Variants in CEP120 observed in about 807,000 individuals in gnomAD.
The protein encoded by CEP120 is centrosomal protein 120, also known as centrosomal protein of 120 kDa.
A neutral mutation model predicts 126.5 loss-of-function variants in CEP120; 113 were observed. The observed-to-expected ratio is 0.89, with a 90% CI of 0.77 to 1.04. CEP120 has a LOEUF of 1.04. Among genes scored for constraint, CEP120 ranks in the 50% least tolerant of loss-of-function variants. CEP120 has a pLI of 0.00. For synonymous variants in CEP120, 400 were observed against 394.3 expected (o/e 1.01, Z -0.17); for missense variants, 1,230 against 1,155.7 (o/e 1.06, Z -0.93).
chr5:123,422,162 T>G lies in CEP120; in HGVS notation c.49+788A>C, dbSNP rs533982548. ...AGGCAAAACGTGTCTTGCTTTTCCA[T>G]ACTTTAAGTGCTCCCTGCTCTTCTC... is the stretch of plus-strand genomic sequence containing the variant. On this transcript the variant is annotated intron_variant, in intron 1 of 19. Transcript: ENST00000306467. Among the ~76,000 whole-genome samples, 4 of 152,334 alleles carry G rather than the reference T, an allele frequency of 2.6e-5. No homozygotes were observed. The South Asian group carries it at 8.3e-4, about 32-fold the overall frequency.
At chr5:123,393,875 T>A (rs1399147667) in intron 5 of CEP120, among the ~76,000 whole-genome samples, 3 of 152,230 alleles carry the variant, frequency 2.0e-5, no homozygotes. Flanking sequence ...AGAGGCTCTA[T>A]GTTATGAATG....
intron 6 of CEP120, among the ~76,000 whole-genome samples, 182 bp downstream of exon 6, chr5:123,393,118 T>G (rs1335204695): frequency 2.6e-5 from 4 of 152,146 alleles, no homozygotes; most frequent in Admixed American, 2.6e-4. Context: ...CTGAGGTAAT[T>G]GTAATGCCAA....
chr5:123,381,284 G>T (rs1473541887), intron 14 of CEP120, among the ~76,000 whole-genome samples: 3 of 152,084 alleles, frequency 2.0e-5, no homozygotes, highest in African/African-American at 7.2e-5. Context: ...AACCCAAACA[G>T]ACACTAGCAA....
intron 4 of CEP120, chr5:123,402,290 C>T: frequency 6.8e-7 from 1 of 1,473,930 alleles, no homozygotes; most frequent in East Asian, 2.3e-5. Context: ...TGCTGAAGGC[C>T]CGGGGGCCAG....
Position 123,364,593 on chromosome 5 carries a change from A to G in CEP120, c.2483T>C (p.Val828Ala), listed in dbSNP as rs752458010. The G allele has an allele frequency of 3.8e-6, 6 of 1,586,934 alleles. No homozygotes were observed. The East Asian group carries it at 1.4e-4, about 36-fold the overall frequency. Residue 828 changes from valine (V) to alanine (A), a missense_variant and splice_region_variant, in exon 18 of 20, where the codon GTT (valine) becomes GCT (alanine). Physicochemically the swap from Val to Ala is moderately conservative, Grantham distance 64 (BLOSUM62 0). Coordinates refer to ENST00000306467, the MANE Select transcript of CEP120 (RefSeq NM_001375405.1). ...SEINLLTLEK[V>A]ELERKLESAT... ...AGATTCCAACTTTCTTTCAAGTTCA[A>G]CCTAACAGTGATTAAAATCATATCA...
intron 4 of CEP120, among the ~76,000 whole-genome samples, chr5:123,405,251 G>C (rs190017534): frequency 8.5e-6 from 1 of 117,056 alleles, no homozygotes; most frequent in East Asian, 2.6e-4. Context: ...AGCTTGGTGT[G>C]AACCAGCCTG....
At chr5:123,353,715 T>C (rs1409777256) in intron 18 of CEP120, among the ~76,000 whole-genome samples, 1 of 151,988 alleles carries the variant, frequency 6.6e-6, no homozygotes, top group African/African-American at 2.4e-5. Context: ...TGTATCAGTT[T>C]TGGAAGTTCT....
chr5:123,407,628 TGG>T (rs1773784097), intron 4 of CEP120, among the ~76,000 whole-genome samples: 3 of 152,322 alleles, frequency 2.0e-5, no homozygotes, highest in South Asian at 4.1e-4. Flanking sequence ...GAATCCAACT[TGG>T]AGACTTTAAC....
chr5:123,402,605 G>T (rs1040512031), intron 4 of CEP120, among the ~76,000 whole-genome samples: 1 of 152,086 alleles, frequency 6.6e-6, no homozygotes, highest in Non-Finnish European at 1.5e-5. Flanking sequence ...TAGAGAAGGG[G>T]TTTCACCATG....
intron 4 of CEP120, chr5:123,401,290 G>A: frequency 6.2e-7 from 1 of 1,608,106 alleles, no homozygotes; most frequent in Non-Finnish European, 8.5e-7. Context: ...TCGACAACTT[G>A]GCGTTAGCAT....
At chr5:123,389,652 C>G (rs537358938) in intron 8 of CEP120, among the ~76,000 whole-genome samples, 5 of 152,092 alleles carry the variant, frequency 3.3e-5, no homozygotes, top group Non-Finnish European at 1.5e-5. Context: ...AGGCATGCAC[C>G]ACCACGCCTG....
Position 123,346,256 on chromosome 5 carries a change from T to C in CEP120, c.*263A>G, listed in dbSNP as rs1353046618. 4 of 336,968 alleles carry C rather than the reference T, an allele frequency of 1.2e-5. No homozygotes were observed. Among genetic ancestry groups the C allele is most frequent in the African/African-American group, 2.1e-5 (1 of 46,684 alleles). The allele number at this position is 336,968 out of a possible 1,614,324, so 20.9% of individuals were successfully genotyped here. On this transcript the variant is annotated 3_prime_UTR_variant, in exon 20 of 20. Coordinates refer to ENST00000306467, the MANE Select transcript of CEP120 (RefSeq NM_001375405.1). The stretch of plus-strand genomic sequence containing the variant: ...AGTTAAAAGCTGTTTTGAAAGTTAG[T>C]TAGCCATCAGATTATAAACTATGAA...
intron 4 of CEP120, chr5:123,400,870 C>T: frequency 1.8e-6 from 2 of 1,123,932 alleles, no homozygotes; most frequent in Non-Finnish European, 2.7e-6. Context: ...CCCTCCCAGG[C>T]TCTGGGGCAG....
chr5:123,363,559 T>C (rs573044348), intron 18 of CEP120, among the ~76,000 whole-genome samples: 2 of 151,684 alleles, frequency 1.3e-5, no homozygotes, highest in South Asian at 2.1e-4. Flanking sequence ...CATTATTTTA[T>C]ATTTACATAT....
intron 3 of CEP120, among the ~76,000 whole-genome samples, chr5:123,413,135 G>A (rs574282183): frequency 6.6e-6 from 1 of 152,076 alleles, no homozygotes; most frequent in South Asian, 2.1e-4. Flanking sequence ...AGCTAGGCAT[G>A]GTGGTGCACG....
At chr5:123,387,029 G>T (rs539741436) in intron 9 of CEP120, among the ~76,000 whole-genome samples, 11 of 152,166 alleles carry the variant, frequency 7.2e-5, no homozygotes, top group African/African-American at 2.6e-4. Context: ...TGGTAATCTG[G>T]TAATTATGGT....
intron 1 of CEP120, among the ~76,000 whole-genome samples, chr5:123,418,727 G>A (rs935716588): frequency 1.3e-5 from 2 of 151,872 alleles, no homozygotes; most frequent in Non-Finnish European, 2.9e-5. Flanking sequence ...CTCCCAAGTA[G>A]CTGGGATTAC....
In CEP120 at chr5:123,399,252, C is replaced by T. The variant is rs1277123000; in HGVS notation, c.496G>A (p.Asp166Asn). The T allele has an allele frequency of 1.2e-6, 2 of 1,614,000 alleles. No individual in the cohort carries two copies. The highest frequency in any genetic ancestry group is 1.7e-5 in the Admixed American group (1 of 60,006). The change falls in exon 5 of 20, where the codon GAC becomes AAC. Residue 166 changes from aspartate to asparagine, a missense_variant. Coordinates refer to ENST00000306467, the MANE Select transcript of CEP120 (RefSeq NM_001375405.1). ...TCTTCATTCAGCACAGCCACAATGTCCCTGGGGTCAAGTCCAGCCAGGATG... is the reference window on the plus strand; with the variant it reads ...TCTTCATTCAGCACAGCCACAATGTTCCTGGGGTCAAGTCCAGCCAGGATG... ...PAILAGLDPR[D>N]IVAVLNEEGG...
intron 4 of CEP120, chr5:123,403,085 G>T (rs1773375794): frequency 3.4e-6 from 1 of 294,194 alleles, no homozygotes; most frequent in South Asian, 2.8e-5. Flanking sequence ...CACAAAACAG[G>T]TAAGACCATA....
Sources: gnomAD v4.1 joint callset for allele counts (sites outside exome capture counted in the v4.1 genomes callset) on GRCh38, gnomAD v4.1.1 for gene constraint, MANE v1.5 for transcripts, NCBI Gene and HGNC (gene_info 2026-07-23, HGNC 2026-07-21) for gene names.